Variants in ALDH16A1 observed in about 807,000 individuals in gnomAD.
ALDH16A1 encodes the protein aldehyde dehydrogenase family 16 member A1.
A neutral mutation model predicts 96.1 loss-of-function variants in ALDH16A1; 88 were observed. The observed-to-expected ratio is 0.92, with a 90% CI of 0.77 to 1.09. ALDH16A1 has a LOEUF of 1.09. ALDH16A1 is among the 50% of genes least tolerant of loss of function. The pLI is 0.00. For missense variants in ALDH16A1, 1,250 were observed against 1,112.6 expected, an observed-to-expected ratio of 1.12 and a Z score of -1.76; for synonymous variants, 522 against 496.4, an observed-to-expected ratio of 1.05 and a Z score of -0.69.
chr19:49,465,859 A>G lies in ALDH16A1; in HGVS notation c.1690A>G (p.Lys564Glu). ...LHGYVAEGGA[K>E]DIRGAVEAAH... ...TGGCTACGTGGCTGAGGGTGGAGCCAAGGACATCCGAGGTGCTGTGGAGGC... is the reference window on the plus strand; with the variant it reads ...TGGCTACGTGGCTGAGGGTGGAGCCGAGGACATCCGAGGTGCTGTGGAGGC... The change falls in exon 13 of 17, where the codon AAG becomes GAG. Residue 564 changes from lysine to glutamate, a missense_variant. Transcript: ENST00000293350. The G allele has an allele frequency of 6.2e-7, 1 of 1,614,124 alleles. No homozygotes were observed. Among genetic ancestry groups the G allele is most frequent in the Non-Finnish European group, 8.5e-7 (1 of 1,180,004 alleles).
chr19:49,454,661 T>C (rs770610736), intron 1 of ALDH16A1, among the ~76,000 whole-genome samples: 1 of 152,032 alleles, frequency 6.6e-6, no homozygotes. Context: ...TTAGGCTTCT[T>C]TGAGGGGGAG....
At chr19:49,460,477 C>T (rs2079132596) in intron 4 of ALDH16A1, among the ~76,000 whole-genome samples, 1 of 149,946 alleles carries the variant, frequency 6.7e-6, no homozygotes, top group Admixed American at 6.7e-5. Flanking sequence ...TGCAGTGGTG[C>T]GATCTCGGCT....
chr19:49,466,979 C>T (rs1293186071), intron 14 of ALDH16A1, among the ~76,000 whole-genome samples: 1 of 152,194 alleles, frequency 6.6e-6, no homozygotes, highest in Non-Finnish European at 1.5e-5. Context: ...TGAAACCAGC[C>T]TGGGCAACAC....
In ALDH16A1 at chr19:49,468,699, C is replaced by G; in HGVS notation, c.2124+133C>G. ...CCATGCTGCCCCCAGCCCCAGCACC[C>G]AAACCTTCACTCCTTGGGGACCCAG... On this transcript the variant is annotated intron_variant, in intron 15 of 16. Coordinates refer to ENST00000293350, the MANE Select transcript of ALDH16A1 (RefSeq NM_153329.4). The surrounding 1 kb of genome is among the most constrained non-coding windows in gnomAD (Gnocchi z 4.4). The G allele has an allele frequency of 7.3e-7, 1 of 1,366,800 alleles. No homozygotes were observed. Among genetic ancestry groups the G allele is most frequent in the South Asian group, 1.3e-5 (1 of 74,420 alleles). The allele number at this position is 1,366,800 out of a possible 1,614,324, so 84.7% of individuals were successfully genotyped here. A position where few individuals can be genotyped will look rare whatever the true frequency, so the allele number is the denominator to read the frequency against.
chr19:49,458,359 T>C (rs1398902452), intron 1 of ALDH16A1, 127 bp from the exon 2 acceptor site: 1 of 697,996 alleles, frequency 1.4e-6, no homozygotes, highest in South Asian at 1.8e-5. Flanking sequence ...TTTAAAGCAA[T>C]AGGAGGAAAA....
At chr19:49,469,199 A>C in intron 16 of ALDH16A1, 1 of 575,084 alleles carries the variant, frequency 1.7e-6, no homozygotes, top group Non-Finnish European at 2.8e-6. Context: ...TAGCCCAAAG[A>C]CCTCGTCTCA....
At chr19:49,469,436 CTG>C (rs1397897070) in intron 16 of ALDH16A1, 1 of 153,130 alleles carries the variant, frequency 6.5e-6, no homozygotes, top group Non-Finnish European at 1.5e-5. Context: ...TTTGCAGAGA[CTG>C]GGGTTTCTCT....
At chr19:49,462,060 C>T (rs1377262735) in intron 7 of ALDH16A1, 24 bp downstream of exon 7, 3 of 1,522,314 alleles carry the variant, frequency 2.0e-6, no homozygotes, top group East Asian at 4.9e-5. Flanking sequence ...GCTCCCGTCT[C>T]CTCATACCCT....
chr19:49,467,232 G>T (rs1405671530), intron 14 of ALDH16A1, among the ~76,000 whole-genome samples: 1 of 152,056 alleles, frequency 6.6e-6, no homozygotes, highest in African/African-American at 2.4e-5. Flanking sequence ...TGTTGCCCAG[G>T]CTGATCTTGA....
chr19:49,466,415 G>T (rs1270609103), intron 14 of ALDH16A1, 132 bp downstream of exon 14: 4 of 967,378 alleles, frequency 4.1e-6, no homozygotes, highest in Non-Finnish European at 5.8e-6. Flanking sequence ...TCAGCAAGTG[G>T]CTTCACCTCT....
Position 49,468,636 on chromosome 19 carries a change from C to G in ALDH16A1, c.2124+70C>G. 6.4e-7 allele frequency: 1 copy of G among 1,553,128 alleles called. No individual in the cohort carries two copies. Among genetic ancestry groups the G allele is most frequent in the Non-Finnish European group, 8.7e-7 (1 of 1,150,982 alleles). ...GCAGCAGAAAAAGGCGCCCCAAAGT[C>G]GGCAGGAGCTTGTCTCTTACCCCAC... On this transcript the variant is annotated intron_variant, in intron 15 of 16. Transcript: ENST00000293350. This position sits in a 1 kb window ranked among gnomAD's most constrained non-coding sequence, Gnocchi z 4.4.
At position 49,468,438 on chromosome 19, in the gene ALDH16A1, G is replaced by T; in HGVS notation, c.1996G>T (p.Val666Leu). Residue 666 changes from valine to leucine, a missense_variant, in exon 15 of 17, where the codon GTG (valine) becomes TTG (leucine). Val to Leu is a conservative substitution (Grantham distance 32). Transcript: ENST00000293350. The surrounding 1 kb of genome is among the most constrained non-coding windows in gnomAD (Gnocchi z 4.4). ...RLREPLGVLA[V>L]VCPDEWPLLA... The stretch of plus-strand genomic sequence containing the variant: ...GCGGGAGCCGCTGGGTGTGCTGGCT[G>T]TGGTGTGTCCGGACGAGTGGCCCCT... 6.2e-7 allele frequency: 1 copy of T among 1,601,384 alleles called. No individual in the cohort carries two copies. The highest frequency in any genetic ancestry group is 8.5e-7 in the Non-Finnish European group (1 of 1,179,770).
Position 49,470,321 on chromosome 19 carries a change from G to T in ALDH16A1, c.2263G>T (p.Glu755Ter), listed in dbSNP as rs146766187. 3 of 1,613,516 alleles carry T rather than the reference G, an allele frequency of 1.9e-6. No individual in the cohort carries two copies. Among genetic ancestry groups the T allele is most frequent in the Non-Finnish European group, 2.5e-6 (3 of 1,179,838 alleles). ...CTCCCCTCAGGGTTCCCAGTTTGTCGAGTGGGCCTCGGCAGGAAACCTCAA... is the reference window on the plus strand; with the variant it reads ...CTCCCCTCAGGGTTCCCAGTTTGTCTAGTGGGCCTCGGCAGGAAACCTCAA... ...FGSAQGSQFV[E>*]WASAGNLKPV... The change falls in exon 17 of 17, where the codon GAG (glutamate) becomes TAG (stop). Residue 755 changes from glutamate (E) to a stop codon, truncating the protein, a stop_gained. Transcript: ENST00000293350. LOFTEE classifies it high-confidence loss of function.
chr19:49,470,554 T>C lies in ALDH16A1; in HGVS notation c.*87T>C. Reference sequence around the variant, plus strand: ...ACACCTGGGACTTTCCCCTTCTGGTTCCTGTGTCTCCCAATAAACTCTCTG... The same window carrying C: ...ACACCTGGGACTTTCCCCTTCTGGTCCCTGTGTCTCCCAATAAACTCTCTG... On this transcript the variant is annotated 3_prime_UTR_variant, in exon 17 of 17. Transcript: ENST00000293350. The C allele has an allele frequency of 7.2e-7, 1 of 1,380,468 alleles. No individual in the cohort carries two copies. Among genetic ancestry groups the C allele is most frequent in the Non-Finnish European group, 9.5e-7 (1 of 1,056,510 alleles). The allele number at this position is 1,380,468 out of a possible 1,614,324, so 85.5% of individuals were successfully genotyped here.
In ALDH16A1 at chr19:49,465,727, C is replaced by A; in HGVS notation, c.1569-11C>A. 1 of 1,609,452 alleles carries A rather than the reference C, an allele frequency of 6.2e-7. No individual in the cohort carries two copies. The highest frequency in any genetic ancestry group is 1.7e-5 in the Admixed American group (1 of 59,760). ...CCCCAGGACTCCTCCTCATGTCCCA[C>A]CCTACTCCAGCCCAGCACCCCCCTA... On this transcript the variant is annotated splice_polypyrimidine_tract_variant and intron_variant, in intron 12 of 16. Transcript: ENST00000293350.
At chr19:49,463,708 C>A in intron 8 of ALDH16A1, 146 bp from the exon 9 acceptor site, 1 of 535,082 alleles carries the variant, frequency 1.9e-6, no homozygotes, top group East Asian at 3.3e-5. Context: ...GGAGGAGAGG[C>A]TGGGGGTCCA....
At position 49,459,028 on chromosome 19, in the gene ALDH16A1, A is replaced by T; in HGVS notation, c.262A>T (p.Met88Leu). The T allele has an allele frequency of 1.2e-6, 2 of 1,613,412 alleles. No homozygotes were observed. The highest frequency in any genetic ancestry group is 8.5e-7 in the Non-Finnish European group (1 of 1,180,026). The change falls in exon 3 of 17, where the codon ATG becomes TTG. Residue 88 changes from methionine (M) to leucine (L), a missense_variant. By Grantham distance (15) the Met-to-Leu change is conservative. Transcript: ENST00000293350. This position sits in a 1 kb window ranked among gnomAD's most constrained non-coding sequence, Gnocchi z 4.1. ...DVAAAVEAAR[M>L]AFKGWSAHPG... ...GGCTGCAGCCGTGGAGGCAGCCAGG[A>T]TGGCATTTAAGGGCTGGAGTGCGCA... is the stretch of plus-strand genomic sequence containing the variant.
Position 49,464,160 on chromosome 19 carries a change from C to T in ALDH16A1, c.1228C>T (p.Arg410Cys), listed in dbSNP as rs188710863. The change falls in exon 10 of 17, where the codon CGC (arginine) becomes TGC (cysteine). Residue 410 changes from arginine to cysteine, a missense_variant. Transcript: ENST00000293350. ...GCCTGTGGTCGTGGCCTCCCCCTTC[C>T]GCACAGCCAAGGAGGCACTGTTGGT... ...PWPVVVASPF[R>C]TAKEALLVAN... is the part of the protein sequence containing the mutation. The T allele has an allele frequency of 2.1e-5, 34 of 1,608,892 alleles. 1 individual carries two copies. The highest frequency in any genetic ancestry group is 3.3e-4 in the Middle Eastern group (2 of 6,020).
chr19:49,466,295 G>A lies in ALDH16A1; in HGVS notation c.1938+12G>A. 3 of 1,433,594 alleles carry A rather than the reference G, an allele frequency of 2.1e-6. No individual in the cohort carries two copies. The highest frequency in any genetic ancestry group is 1.8e-6 in the Non-Finnish European group (2 of 1,094,782). 88.8% of individuals were successfully genotyped at this position (1,433,594 alleles called of 1,614,324 possible). On this transcript the variant is annotated intron_variant, in intron 14 of 16. Transcript: ENST00000293350. ...GCCACACCCTGCAGGTGAAGGGTCT[G>A]TGGGCACCTGGGCCAGCTGGGCAGG...
Sources: allele counts gnomAD v4.1 joint callset (sites outside exome capture counted in the v4.1 genomes callset), GRCh38; gene constraint gnomAD v4.1.1; non-coding constraint Gnocchi (gnomAD v3.1); transcripts MANE v1.5; gene names NCBI Gene and HGNC (gene_info 2026-07-23, HGNC 2026-07-21).